TRIQK: variants seen among roughly 807,000 people sequenced by gnomAD.
TRIQK encodes the protein triple QxxK/R motif-containing protein.
A neutral mutation model predicts 10.8 loss-of-function variants in TRIQK; 10 were observed. The observed-to-expected ratio is 0.92, with a 90% CI of 0.57 to 1.57. The LOEUF (loss-of-function observed/expected upper bound fraction) is 1.57. Among genes scored for constraint, TRIQK ranks in the 40% most tolerant of loss-of-function variants. TRIQK has a pLI of 0.00. For synonymous variants in TRIQK, 33 were observed against 33.7 expected, an observed-to-expected ratio of 0.98 and a Z score of 0.07; for missense variants, 107 against 97.7, an observed-to-expected ratio of 1.09 and a Z score of -0.40.
chr8:92,889,723 T>C (rs1273553273), intron 4 of TRIQK, among the ~76,000 whole-genome samples: 1 of 151,692 alleles, frequency 6.6e-6, no homozygotes, highest in Admixed American at 6.6e-5. Context: ...TAGTGTATTA[T>C]TGAACTCTCC....
chr8:92,979,068 A>G (rs1812960037), intron 1 of TRIQK, among the ~76,000 whole-genome samples: 1 of 152,126 alleles, frequency 6.6e-6, no homozygotes. Flanking sequence ...TGTTTGTTCC[A>G]TAATATCTGG....
rs563255407 is a variant in TRIQK, at chr8:92,885,634, AAT to A, written c.*986_*987del. On this transcript the variant is annotated 3_prime_UTR_variant, in exon 5 of 5. Transcript: ENST00000521988. ...TATATCAACAGATAATTACATATGAAATATGAGGCATATATTTTCTTCTATTA... is the reference window on the plus strand; with the variant it reads ...TATATCAACAGATAATTACATATGAAATGAGGCATATATTTTCTTCTATTA... 2.3e-3 allele frequency: 351 copies of A among 151,932 alleles called. 3 individuals carry two copies. The highest frequency in any genetic ancestry group is 8.1e-3 in the African/African-American group (335 of 41,520). 9.4% of individuals were successfully genotyped at this position (151,932 alleles called of 1,614,324 possible).
intron 2 of TRIQK, among the ~76,000 whole-genome samples, chr8:92,933,407 C>G (rs774452730): frequency 4.6e-5 from 7 of 152,058 alleles, no homozygotes; most frequent in Admixed American, 2.0e-4. Flanking sequence ...TATAGACCAA[C>G]TTGGTGATAA....
At chr8:93,012,994 G>A (rs1248847740) in intron 1 of TRIQK, among the ~76,000 whole-genome samples, 1 of 152,134 alleles carries the variant, frequency 6.6e-6, no homozygotes, top group African/African-American at 2.4e-5. Flanking sequence ...CTGGTGTAGT[G>A]GATCTTTGTG....
chr8:92,978,443 G>T (rs1050361009), intron 1 of TRIQK, among the ~76,000 whole-genome samples: 2 of 152,096 alleles, frequency 1.3e-5, no homozygotes, highest in Non-Finnish European at 2.9e-5. Flanking sequence ...GTTCATCATG[G>T]CTGGGAGCAG....
At chr8:92,969,870 G>C (rs1028789605), upstream of TRIQK, among the ~76,000 whole-genome samples, 1 of 151,876 alleles carries the variant, frequency 6.6e-6, no homozygotes, top group Non-Finnish European at 1.5e-5. Context: ...ATGCTGGTTT[G>C]CTGCACCTAT....
chr8:92,945,897 T>C (rs1811507188), intron 2 of TRIQK, among the ~76,000 whole-genome samples: 1 of 151,590 alleles, frequency 6.6e-6, no homozygotes, highest in Non-Finnish European at 1.5e-5. Context: ...AAAAGAAAAA[T>C]ATATATCTTA....
rs1450380780 is a variant in TRIQK, at chr8:92,884,156, T to G, written c.*2466A>C. 2 of 151,878 alleles carry G rather than the reference T, an allele frequency of 1.3e-5. No individual in the cohort carries two copies. Among genetic ancestry groups the G allele is most frequent in the African/African-American group, 4.8e-5 (2 of 41,406 alleles). 9.4% of individuals were successfully genotyped at this position (151,878 alleles called of 1,614,324 possible). A position where few individuals can be genotyped will look rare whatever the true frequency, so the allele number is the denominator to read the frequency against. ...TTACTGGAGGGAAGATACCCATGTC[T>G]AAAATTTGTGTCTGGTGCCAGTCTC... On this transcript the variant is annotated 3_prime_UTR_variant, in exon 5 of 5. Transcript: ENST00000521988.
At chr8:92,975,101 G>A (rs1230914926) in intron 1 of TRIQK, among the ~76,000 whole-genome samples, 2 of 152,156 alleles carry the variant, frequency 1.3e-5, no homozygotes, top group Admixed American at 1.3e-4. Flanking sequence ...AGGATACCTG[G>A]TTGCTTAAGG....
intron 2 of TRIQK, among the ~76,000 whole-genome samples, chr8:92,926,662 T>G (rs1810463528): frequency 6.6e-6 from 1 of 152,132 alleles, no homozygotes. Flanking sequence ...GCACACTACG[T>G]CCATGAGTCA....
At chr8:93,012,274 CTT>C (rs1813342776) in intron 1 of TRIQK, among the ~76,000 whole-genome samples, 1 of 152,084 alleles carries the variant, frequency 6.6e-6, no homozygotes, top group South Asian at 2.1e-4. Flanking sequence ...AACATTCTGT[CTT>C]TTCTTTGTGC....
In TRIQK at chr8:92,966,128, G is replaced by A. The variant is rs546407442; in HGVS notation, c.-302C>T. 2 of 152,462 alleles carry A rather than the reference G, an allele frequency of 1.3e-5. No individual in the cohort carries two copies. The highest frequency in any genetic ancestry group is 2.1e-4 in the South Asian group (1 of 4,830). 9.4% of individuals were successfully genotyped at this position (152,462 alleles called of 1,614,324 possible). ...CAGCCGCACACCCCTACTCCCAAAGGGTGAGGCGGAAAAGAGGCGAGGCTC... is the reference window on the plus strand; with the variant it reads ...CAGCCGCACACCCCTACTCCCAAAGAGTGAGGCGGAAAAGAGGCGAGGCTC... On this transcript the variant is annotated 5_prime_UTR_variant, in exon 1 of 5. Coordinates refer to ENST00000521988, the MANE Select transcript of TRIQK (RefSeq NM_001171797.2).
At chr8:93,007,287 G>A (rs2130760974) in intron 1 of TRIQK, among the ~76,000 whole-genome samples, 1 of 152,340 alleles carries the variant, frequency 6.6e-6, no homozygotes, top group South Asian at 2.1e-4. Flanking sequence ...CCCTATGGAA[G>A]TGGAGCCAGA....
chr8:92,942,878 A>G (rs1811340390), intron 2 of TRIQK, among the ~76,000 whole-genome samples: 1 of 152,062 alleles, frequency 6.6e-6, no homozygotes, highest in South Asian at 2.1e-4. Context: ...GTATTTTAGT[A>G]AAGACAGAGT....
intron 2 of TRIQK, among the ~76,000 whole-genome samples, chr8:92,950,605 G>C (rs1274379063): frequency 6.6e-6 from 1 of 152,036 alleles, no homozygotes; most frequent in East Asian, 1.9e-4. Context: ...GCATTGTGCA[G>C]GTTAATACTG....
At chr8:92,960,952 T>C (rs1238272611) in intron 1 of TRIQK, among the ~76,000 whole-genome samples, 1 of 152,240 alleles carries the variant, frequency 6.6e-6, no homozygotes, top group Admixed American at 6.5e-5. Context: ...TTGTTTTCTC[T>C]TACTATCTTC....
At chr8:92,949,136 T>A (rs1171495202) in intron 2 of TRIQK, among the ~76,000 whole-genome samples, 1 of 152,250 alleles carries the variant, frequency 6.6e-6, no homozygotes, top group Non-Finnish European at 1.5e-5. Context: ...TCTCTGAGCC[T>A]ATTCTGGCCT....
intron 2 of TRIQK, among the ~76,000 whole-genome samples, chr8:92,951,128 A>C (rs1811877900): frequency 6.6e-6 from 1 of 151,366 alleles, no homozygotes; most frequent in Non-Finnish European, 1.5e-5. Context: ...GGCTATTTTT[A>C]TTGCTTTTTT....
chr8:92,983,131 T>C (rs569011709), intron 1 of TRIQK, among the ~76,000 whole-genome samples: 1 of 152,156 alleles, frequency 6.6e-6, no homozygotes, highest in Non-Finnish European at 1.5e-5. Flanking sequence ...TCTAAATTAT[T>C]TTTATTTACT....
Sources: gnomAD v4.1 joint callset for allele counts (sites outside exome capture counted in the v4.1 genomes callset) on GRCh38, gnomAD v4.1.1 for gene constraint, MANE v1.5 for transcripts, NCBI Gene and HGNC (gene_info 2026-07-23, HGNC 2026-07-21) for gene names.